Variants in SPECC1 observed in about 807,000 individuals in gnomAD.
SPECC1 encodes cytospin-B.
In SPECC1, 62 loss-of-function variants were observed where a neutral mutation model predicts 104.1. The ratio of observed to expected loss-of-function variants is 0.60; its 90% CI spans 0.49 to 0.74. The LOEUF is 0.74. SPECC1 is among the 30% of genes least tolerant of loss of function. The pLI, the probability that SPECC1 is intolerant of heterozygous loss-of-function variation, is 0.00. For synonymous variants in SPECC1, 513 were observed against 501.6 expected (o/e 1.02, Z -0.30); for missense variants, 1,306 against 1,310.5 (o/e 1.00, Z 0.05).
intron 1 of SPECC1, among the ~76,000 whole-genome samples, chr17:20,069,593 T>C (rs1567823167): frequency 2.0e-5 from 3 of 152,174 alleles, no homozygotes; most frequent in Non-Finnish European, 4.4e-5. Context: ...TTGAAAAGAC[T>C]GTCTCCCATT....
chr17:20,040,203 G>A (rs1044577541), intron 1 of SPECC1, among the ~76,000 whole-genome samples: 7 of 151,206 alleles, frequency 4.6e-5, no homozygotes, highest in African/African-American at 1.5e-4. Context: ...ATATACTTAC[G>A]TGTGTGTGTG....
chr17:20,272,163 A>G (rs1363337043), intron 12 of SPECC1, among the ~76,000 whole-genome samples: 2 of 152,016 alleles, frequency 1.3e-5, no homozygotes, highest in Non-Finnish European at 2.9e-5. Flanking sequence ...TTCTGGAATT[A>G]TTTCATTGGT....
At chr17:20,254,134 C>CGTGTGCGTGT (rs2039734136) in intron 10 of SPECC1, among the ~76,000 whole-genome samples, 1 of 135,976 alleles carries the variant, frequency 7.4e-6, no homozygotes, top group South Asian at 2.5e-4. Flanking sequence ...GTTGTTACAC[C>CGTGTGCGTGT]GTGTGTGTGT....
rs11868430 is a variant in SPECC1, at chr17:20,260,312, C to T, written c.2940+18C>T. 6.2e-7 allele frequency: 1 copy of T among 1,609,458 alleles called. No homozygotes were observed. The highest frequency in any genetic ancestry group is 1.3e-5 in the African/African-American group (1 of 74,820). The stretch of plus-strand genomic sequence containing the variant: ...GTTATGCGGTAAGGGACAACATCAG[C>T]CAACTTCCAGCTGCCCCTGGGCAGT... On this transcript the variant is annotated intron_variant, in intron 12 of 14. Coordinates refer to ENST00000395527, the MANE Select transcript of SPECC1 (RefSeq NM_001243439.2).
At chr17:20,200,262 T>C (rs1442872190) in intron 3 of SPECC1, among the ~76,000 whole-genome samples, 2 of 152,256 alleles carry the variant, frequency 1.3e-5, no homozygotes, top group South Asian at 2.1e-4. Flanking sequence ...TGTTCTGTTA[T>C]AGTTTGTGAA....
intron 3 of SPECC1, among the ~76,000 whole-genome samples, chr17:20,130,064 A>G (rs1388157755): frequency 6.6e-6 from 1 of 152,066 alleles, no homozygotes; most frequent in Non-Finnish European, 1.5e-5. Context: ...GCCTAGAGCC[A>G]CTTCTTTAAG....
intron 3 of SPECC1, among the ~76,000 whole-genome samples, chr17:20,118,039 A>G (rs925287781): frequency 6.6e-6 from 1 of 152,144 alleles, no homozygotes; most frequent in Non-Finnish European, 1.5e-5. Flanking sequence ...TGGGAAGTGA[A>G]GGTTGCAGTG....
chr17:20,189,524 C>T (rs951678490), intron 3 of SPECC1, among the ~76,000 whole-genome samples: 1 of 152,148 alleles, frequency 6.6e-6, no homozygotes, highest in Admixed American at 6.5e-5. Flanking sequence ...TGTGGGCCGC[C>T]TGCTAGAAGC....
At chr17:20,170,086 T>C (rs2033970065) in intron 3 of SPECC1, among the ~76,000 whole-genome samples, 1 of 152,218 alleles carries the variant, frequency 6.6e-6, no homozygotes, top group African/African-American at 2.4e-5. Flanking sequence ...CCTCTGCTGT[T>C]CCATTGCCCT....
chr17:20,217,531 A>C (rs2037576573), intron 4 of SPECC1, among the ~76,000 whole-genome samples: 1 of 152,056 alleles, frequency 6.6e-6, no homozygotes, highest in African/African-American at 2.4e-5. Flanking sequence ...CCTCAGTTTA[A>C]TTCCTGGCCC....
chr17:20,247,103 A>T, intron 8 of SPECC1, 116 bp from the exon 9 acceptor site: 1 of 691,954 alleles, frequency 1.4e-6, no homozygotes, highest in Non-Finnish European at 2.4e-6. Flanking sequence ...AGTAAATATT[A>T]CACTAAACAC....
intron 3 of SPECC1, chr17:20,112,711 T>C: frequency 8.7e-7 from 1 of 1,143,986 alleles, no homozygotes; most frequent in Non-Finnish European, 1.3e-6. Context: ...ATTTTGAGGA[T>C]CCTTCCGGTC....
Position 20,271,340 on chromosome 17 carries a change from T to C in SPECC1, c.2940+11046T>C, listed in dbSNP as rs573399962. On this transcript the variant is annotated intron_variant, in intron 12 of 14. Coordinates refer to ENST00000395527, the MANE Select transcript of SPECC1 (RefSeq NM_001243439.2). ...TGAAAGATGAGGGTTTATTTCTTTT[T>C]CACTCCCACCCCCCCCATGCTTCCT... 3.8e-4 allele frequency among the ~76,000 whole-genome samples: 58 copies of C among 152,142 alleles called. 2 individuals carry two copies. Among genetic ancestry groups the C allele is most frequent in the Admixed American group, 3.8e-3 (58 of 15,292 alleles).
chr17:20,217,825 G>T (rs1156473301), intron 4 of SPECC1, among the ~76,000 whole-genome samples: 1 of 152,102 alleles, frequency 6.6e-6, no homozygotes, highest in Non-Finnish European at 1.5e-5. Context: ...AAGATGGGAG[G>T]ATCACTTAAG....
intron 14 of SPECC1, among the ~76,000 whole-genome samples, chr17:20,313,672 A>T (rs2041990443): frequency 6.6e-6 from 1 of 152,256 alleles, no homozygotes; most frequent in Non-Finnish European, 1.5e-5. Context: ...TCATTTTAAT[A>T]GTGAAATTAT....
intron 1 of SPECC1, among the ~76,000 whole-genome samples, chr17:20,061,493 C>T (rs893671133): frequency 6.6e-6 from 1 of 152,170 alleles, no homozygotes; most frequent in Non-Finnish European, 1.5e-5. Flanking sequence ...GTGGCAAGGA[C>T]CATGGTAGAG....
At chr17:20,103,753 G>A (rs542268868) in intron 2 of SPECC1, among the ~76,000 whole-genome samples, 124 of 152,180 alleles carry the variant, frequency 8.1e-4, no homozygotes, top group African/African-American at 2.7e-3. Flanking sequence ...CGCATCCCCC[G>A]TCCACTTCCT....
At chr17:20,144,925 A>G (rs1001700807) in intron 3 of SPECC1, among the ~76,000 whole-genome samples, 2 of 152,218 alleles carry the variant, frequency 1.3e-5, no homozygotes, top group African/African-American at 4.8e-5. Flanking sequence ...AGTGATTGAT[A>G]TCAGTCTTCT....
At chr17:20,131,748 C>T (rs913978166) in intron 3 of SPECC1, among the ~76,000 whole-genome samples, 1 of 150,312 alleles carries the variant, frequency 6.7e-6, no homozygotes, top group African/African-American at 2.4e-5. Context: ...CTCCCGAGTT[C>T]AAGCAATTCT....
Sources: gnomAD v4.1 joint callset for allele counts (sites outside exome capture counted in the v4.1 genomes callset) on GRCh38, gnomAD v4.1.1 for gene constraint, MANE v1.5 for transcripts, NCBI Gene and HGNC (gene_info 2026-07-23, HGNC 2026-07-21) for gene names.